The following LRMDA variants were observed in gnomAD, a reference collection of about 807,000 sequenced individuals.
LRMDA encodes the protein leucine-rich melanocyte differentiation-associated protein.
Under a neutral mutation model 29.8 loss-of-function variants are expected in LRMDA, and 18 were observed. That is an observed-to-expected ratio of 0.60 (90% CI 0.42 to 0.90). The LOEUF (loss-of-function observed/expected upper bound fraction) is 0.90. Among genes scored for constraint, LRMDA ranks in the 40% least tolerant of loss-of-function variants. LRMDA has a pLI of 0.00. For synonymous variants in LRMDA, 125 were observed against 109.4 expected, an observed-to-expected ratio of 1.14 and a Z score of -0.89; for missense variants, 273 against 273.9, an observed-to-expected ratio of 1.00 and a Z score of 0.02.
chr10:75,487,320 A>G (rs1164386962), intron 2 of LRMDA, among the ~76,000 whole-genome samples: 5 of 152,236 alleles, frequency 3.3e-5, no homozygotes, highest in Non-Finnish European at 7.3e-5. Context: ...CAAATGGTGA[A>G]TGATGGGCTC....
intron 2 of LRMDA, among the ~76,000 whole-genome samples, chr10:75,979,332 C>T (rs537518713): frequency 6.6e-6 from 1 of 152,244 alleles, no homozygotes; most frequent in East Asian, 1.9e-4. Context: ...GGCAGTTAAT[C>T]AGGAGAGTCT....
At chr10:76,545,167 T>A (rs895922496) in intron 6 of LRMDA, among the ~76,000 whole-genome samples, 2 of 106,434 alleles carry the variant, frequency 1.9e-5, no homozygotes, top group African/African-American at 7.4e-5. Context: ...TTCTTTTTTT[T>A]TGTTTTTTAT....
chr10:76,426,911 T>C (rs1294877897), intron 6 of LRMDA, among the ~76,000 whole-genome samples: 1 of 152,144 alleles, frequency 6.6e-6, no homozygotes, highest in East Asian at 1.9e-4. Context: ...ATCAGAGAGT[T>C]GTAGATGTGT....
intron 6 of LRMDA, among the ~76,000 whole-genome samples, chr10:76,518,702 A>T (rs946332499): frequency 6.6e-6 from 1 of 152,166 alleles, no homozygotes; most frequent in Non-Finnish European, 1.5e-5. Flanking sequence ...TAAAGCAACT[A>T]TTTATGTAAG....
intron 5 of LRMDA, among the ~76,000 whole-genome samples, chr10:76,122,828 GC>G (rs1386480099): frequency 6.6e-6 from 1 of 152,116 alleles, no homozygotes; most frequent in African/African-American, 2.4e-5. Context: ...CAACTCTAAG[GC>G]TGCAAAGCTG....
chr10:75,769,679 T>A (rs905965432), intron 2 of LRMDA, among the ~76,000 whole-genome samples: 4 of 152,234 alleles, frequency 2.6e-5, no homozygotes, highest in South Asian at 2.1e-4. Context: ...TTTAAAAAAA[T>A]TTTAACATAT....
chr10:76,106,663 A>C (rs930553260), intron 5 of LRMDA, among the ~76,000 whole-genome samples: 3 of 152,196 alleles, frequency 2.0e-5, no homozygotes, highest in Non-Finnish European at 4.4e-5. Context: ...GCAGTGTGGT[A>C]CTAACTATCT....
intron 3 of LRMDA, among the ~76,000 whole-genome samples, chr10:76,039,761 TA>T (rs548750958): frequency 1.1e-4 from 17 of 152,256 alleles, no homozygotes; most frequent in Non-Finnish European, 2.5e-4. Context: ...CAGACAATGC[TA>T]GTACCCATCC....
chr10:75,850,669 G>A (rs1184838840), intron 2 of LRMDA, among the ~76,000 whole-genome samples: 1 of 152,130 alleles, frequency 6.6e-6, no homozygotes, highest in African/African-American at 2.4e-5. Context: ...CAGGGTTTGG[G>A]GGTTAGAAGC....
In LRMDA at chr10:75,561,757, C is replaced by G. The variant is rs1840298668; in HGVS notation, c.131+123263C>G. On this transcript the variant is annotated intron_variant, in intron 2 of 6. Transcript: ENST00000611255. Reference sequence around the variant, plus strand: ...CTTTGTTCTCGTTGGTTTCAAAGAACATCTTTATTTCTGCCTTCATTTTGT... The same window carrying G: ...CTTTGTTCTCGTTGGTTTCAAAGAAGATCTTTATTTCTGCCTTCATTTTGT... Among the ~76,000 whole-genome samples the G allele has an allele frequency of 2.0e-5, 3 of 152,076 alleles. No individual in the cohort carries two copies. The South Asian group carries it at 6.2e-4, about 32-fold the overall frequency.
intron 2 of LRMDA, chr10:75,552,458 T>A (rs533743172): frequency 4.4e-5 from 15 of 340,838 alleles, no homozygotes; most frequent in South Asian, 3.2e-4. Context: ...GAATTTTCAC[T>A]GTATCCTTGG....
At chr10:76,094,858 A>G (rs904803860) in intron 5 of LRMDA, among the ~76,000 whole-genome samples, 11 of 152,202 alleles carry the variant, frequency 7.2e-5, no homozygotes, top group Non-Finnish European at 1.5e-4. Context: ...AGATTTTTTC[A>G]TATAACTGGG....
chr10:75,471,089 T>C (rs966556450), intron 2 of LRMDA, among the ~76,000 whole-genome samples: 1 of 152,146 alleles, frequency 6.6e-6, no homozygotes, highest in Non-Finnish European at 1.5e-5. Context: ...GAAGGAATGA[T>C]TACAGTCACG....
chr10:75,945,625 A>C (rs1846463898), intron 2 of LRMDA, among the ~76,000 whole-genome samples: 1 of 152,116 alleles, frequency 6.6e-6, no homozygotes, highest in South Asian at 2.1e-4. Flanking sequence ...CATCAATGGG[A>C]GGGTTTGTTT....
intron 2 of LRMDA, among the ~76,000 whole-genome samples, chr10:75,848,227 A>G (rs79436608): frequency 0.013 from 2,028 of 152,352 alleles, 53 homozygotes; most frequent in African/African-American, 0.047. Flanking sequence ...GCCTTAAAAA[A>G]GAAGGAAATC....
chr10:76,163,499 CT>C (rs1188436843), intron 5 of LRMDA, among the ~76,000 whole-genome samples: 1 of 151,442 alleles, frequency 6.6e-6, no homozygotes, highest in East Asian at 1.9e-4. Context: ...AGAAAGTAAA[CT>C]TTTTTTTTCA....
At chr10:75,972,683 C>T (rs1405110034) in intron 2 of LRMDA, among the ~76,000 whole-genome samples, 1 of 152,274 alleles carries the variant, frequency 6.6e-6, no homozygotes, top group Admixed American at 6.5e-5. Flanking sequence ...TCTCTGGATT[C>T]TGATGGGCCT....
At position 76,282,718 on chromosome 10, in the gene LRMDA, T is replaced by C. The variant is rs1458684240; in HGVS notation, c.517-41683T>C. 3.3e-5 allele frequency among the ~76,000 whole-genome samples: 5 copies of C among 152,304 alleles called. No individual in the cohort carries two copies. In the East Asian group the frequency reaches 9.6e-4, roughly 29 times the overall value. On this transcript the variant is annotated intron_variant, in intron 5 of 6. Coordinates refer to ENST00000611255, the MANE Select transcript of LRMDA (RefSeq NM_001305581.2). The stretch of plus-strand genomic sequence containing the variant: ...TTATTTAATTTTTATCCTGGTTTTG[T>C]CTCTTTTATATCCCCTTCGTCTGCA...
chr10:76,338,280 G>C (rs1840994025), intron 6 of LRMDA, among the ~76,000 whole-genome samples: 1 of 151,988 alleles, frequency 6.6e-6, no homozygotes, highest in Admixed American at 6.6e-5. Flanking sequence ...TTGAATCCAG[G>C]AGTTTGAGAC....
Sources: gnomAD v4.1 joint callset for allele counts (sites outside exome capture counted in the v4.1 genomes callset) on GRCh38, gnomAD v4.1.1 for gene constraint, MANE v1.5 for transcripts, NCBI Gene and HGNC (gene_info 2026-07-23, HGNC 2026-07-21) for gene names.